TMX4: variants seen among roughly 807,000 people sequenced by gnomAD.
TMX4 encodes the protein thioredoxin-related transmembrane protein 4.
A neutral mutation model predicts 33.3 loss-of-function variants in TMX4; 23 were observed. That is an observed-to-expected ratio of 0.69 (90% CI 0.50 to 0.98). The LOEUF (loss-of-function observed/expected upper bound fraction) is 0.98. Ranked by LOEUF, TMX4 falls within the 50% of genes least tolerant of loss-of-function variation. TMX4 has a pLI of 0.00. For missense variants in TMX4, 399 were observed against 448.9 expected, an observed-to-expected ratio of 0.89 and a Z score of 1.01; for synonymous variants, 164 against 161.5, an observed-to-expected ratio of 1.02 and a Z score of -0.12.
chr20:7,994,768 T>C (rs1600142619), intron 5 of TMX4, among the ~76,000 whole-genome samples: 1 of 152,342 alleles, frequency 6.6e-6, no homozygotes, highest in East Asian at 1.9e-4. Flanking sequence ...TCAGGCTACA[T>C]GATTTTGTCA....
chr20:7,999,128 G>A (rs2050690789), intron 4 of TMX4, among the ~76,000 whole-genome samples: 2 of 152,058 alleles, frequency 1.3e-5, no homozygotes, highest in Non-Finnish European at 2.9e-5. Flanking sequence ...TTTCAGTAGG[G>A]AAATTTCTTA....
intron 5 of TMX4, among the ~76,000 whole-genome samples, chr20:7,989,057 C>G (rs1019192743): frequency 2.0e-5 from 3 of 151,540 alleles, no homozygotes; most frequent in Non-Finnish European, 4.4e-5. Flanking sequence ...CATTTTACAA[C>G]TCAGCAAGCA....
intron 5 of TMX4, among the ~76,000 whole-genome samples, chr20:7,988,005 T>G (rs2050638048): frequency 6.6e-6 from 1 of 152,194 alleles, no homozygotes; most frequent in African/African-American, 2.4e-5. Context: ...TACTGTTCCC[T>G]AAGACTCTAT....
chr20:8,001,674 C>T (rs1346618876), intron 2 of TMX4, 133 bp from the exon 3 acceptor site: 2 of 862,702 alleles, frequency 2.3e-6, no homozygotes, highest in Non-Finnish European at 3.6e-6. Context: ...TTTTGACTTA[C>T]AGAAATTTCA....
At chr20:7,999,905 C>A in intron 3 of TMX4, 45 bp from the exon 4 acceptor site, 1 of 1,580,504 alleles carries the variant, frequency 6.3e-7, no homozygotes, top group African/African-American at 1.4e-5. Flanking sequence ...ATTAAAATAA[C>A]GATGTTACAG....
chr20:7,989,979 C>T lies in TMX4; in HGVS notation c.514-2590G>A, dbSNP rs2050647112. Among the ~76,000 whole-genome samples the T allele has an allele frequency of 2.0e-5, 3 of 152,108 alleles. No homozygotes were observed. The South Asian group carries it at 6.2e-4, about 32-fold the overall frequency. On this transcript the variant is annotated intron_variant, in intron 5 of 7. Transcript: ENST00000246024. ...AAACTGATGGGCATGATACCTTATACTATGGTACTAGATGAATAAGAAAGT... is the reference window on the plus strand; with the variant it reads ...AAACTGATGGGCATGATACCTTATATTATGGTACTAGATGAATAAGAAAGT...
intron 2 of TMX4, among the ~76,000 whole-genome samples, chr20:8,002,231 A>G (rs2050710507): frequency 6.6e-6 from 1 of 152,230 alleles, no homozygotes; most frequent in Admixed American, 6.5e-5. Flanking sequence ...TACCTCAACA[A>G]ATATTTACCA....
At chr20:8,019,267 G>T in intron 1 of TMX4, 171 bp downstream of exon 1, 1 of 767,988 alleles carries the variant, frequency 1.3e-6, no homozygotes, top group Non-Finnish European at 1.9e-6. Context: ...CCCAGCGGCA[G>T]TGCAGGATCG....
intron 6 of TMX4, among the ~76,000 whole-genome samples, chr20:7,984,932 C>T (rs1219996057): frequency 6.6e-6 from 1 of 152,128 alleles, no homozygotes; most frequent in Admixed American, 6.6e-5. Flanking sequence ...GAGCCAGCCT[C>T]AGGCAGCTTT....
Position 7,983,864 on chromosome 20 carries a change from G to A in TMX4, c.616-7C>T. 1 of 1,610,954 alleles carries A rather than the reference G, an allele frequency of 6.2e-7. No individual in the cohort carries two copies. Among genetic ancestry groups the A allele is most frequent in the Non-Finnish European group, 8.5e-7 (1 of 1,178,506 alleles). On this transcript the variant is annotated splice_region_variant and splice_polypyrimidine_tract_variant and intron_variant, in intron 6 of 7. Transcript: ENST00000246024. The stretch of plus-strand genomic sequence containing the variant: ...CTGATATTACCACCAAGACCTGGAA[G>A]GAAAAAAGTGATTTTACAGTGAATA...
chr20:7,990,406 C>T (rs2050649487), intron 5 of TMX4, among the ~76,000 whole-genome samples: 1 of 137,820 alleles, frequency 7.3e-6, no homozygotes, highest in South Asian at 2.1e-4. Context: ...TAACTTTTGG[C>T]TACATACATA....
chr20:7,995,503 G>C lies in TMX4; in HGVS notation c.513+523C>G, dbSNP rs112214854. 3.3e-3 allele frequency among the ~76,000 whole-genome samples: 510 copies of C among 152,276 alleles called. 4 individuals are homozygous for C. Among genetic ancestry groups the C allele is most frequent in the African/African-American group, 0.011 (471 of 41,556 alleles). ...TAAAGGCCAGATTGTAAATATTACAGGCTTGTGAACCACAATTCTCTGTGT... is the reference window on the plus strand; with the variant it reads ...TAAAGGCCAGATTGTAAATATTACACGCTTGTGAACCACAATTCTCTGTGT... On this transcript the variant is annotated intron_variant, in intron 5 of 7. Coordinates refer to ENST00000246024, the MANE Select transcript of TMX4 (RefSeq NM_021156.4).
rs138181138 is a variant in TMX4, at chr20:7,982,756, G to C, written c.680-135C>G. 8.9e-6 allele frequency: 9 copies of C among 1,008,452 alleles called. No individual in the cohort carries two copies. The East Asian group carries it at 1.5e-4, about 17-fold the overall frequency. The allele number at this position is 1,008,452 out of a possible 1,614,324, so 62.5% of individuals were successfully genotyped here. On this transcript the variant is annotated intron_variant, in intron 7 of 7. Transcript: ENST00000246024. ...CTATCTTGAAACTATGGTCATATAG[G>C]ACAGATTCTCTGGTTGGCATCCTAG...
intron 2 of TMX4, among the ~76,000 whole-genome samples, chr20:8,004,784 T>C (rs1404280559): frequency 3.3e-5 from 5 of 152,234 alleles, no homozygotes; most frequent in Non-Finnish European, 7.3e-5. Context: ...TACTATTTAT[T>C]AGCATGTTAT....
At chr20:7,988,786 A>G (rs1438744548) in intron 5 of TMX4, among the ~76,000 whole-genome samples, 1 of 152,172 alleles carries the variant, frequency 6.6e-6, no homozygotes, top group Non-Finnish European at 1.5e-5. Flanking sequence ...GCACTTTGGG[A>G]GGCCGAGGCG....
At chr20:8,014,513 AG>A (rs1211820081) in intron 1 of TMX4, among the ~76,000 whole-genome samples, 1 of 152,234 alleles carries the variant, frequency 6.6e-6, no homozygotes, top group Admixed American at 6.5e-5. Context: ...TAAACAGGGA[AG>A]GAAAAAAATA....
chr20:8,006,418 C>G (rs569105355), intron 2 of TMX4, among the ~76,000 whole-genome samples: 16 of 152,260 alleles, frequency 1.1e-4, no homozygotes, highest in African/African-American at 3.9e-4. Flanking sequence ...GAAATTATTC[C>G]TTACTAGCAC....
In TMX4 at chr20:7,979,232, ATTCATT is replaced by A. The variant is rs2050594384; in HGVS notation, c.*3013_*3018del. 1 of 151,892 alleles carries A rather than the reference ATTCATT, an allele frequency of 6.6e-6. No homozygotes were observed. The highest frequency in any genetic ancestry group is 1.5e-5 in the Non-Finnish European group (1 of 67,784). 9.4% of individuals were successfully genotyped at this position (151,892 alleles called of 1,614,324 possible). ...GTTGGCTTTTCTCCTTTAGTTTTAT[ATTCATT>A]AAGTATTGAAAACAAACCTAAAATC... On this transcript the variant is annotated 3_prime_UTR_variant, in exon 8 of 8. Transcript: ENST00000246024.
rs1318768933 is a variant in TMX4 at position 7,985,285 on chromosome 20, T to A, written c.616-1428A>T. ...TATATATATATATATATATTTTTTT[T>A]TTTTTTGAGACAGGGTCTAGCTCTG... On this transcript the variant is annotated intron_variant, in intron 6 of 7. Coordinates refer to ENST00000246024, the MANE Select transcript of TMX4 (RefSeq NM_021156.4). Among the ~76,000 whole-genome samples the A allele has an allele frequency of 3.8e-3, 549 of 145,524 alleles. 6 individuals carry two copies. The highest frequency in any genetic ancestry group is 0.012 in the African/African-American group (465 of 40,402).
Sources: gnomAD v4.1 joint callset for allele counts (sites outside exome capture counted in the v4.1 genomes callset) on GRCh38, gnomAD v4.1.1 for gene constraint, MANE v1.5 for transcripts, NCBI Gene and HGNC (gene_info 2026-07-23, HGNC 2026-07-21) for gene names.